Variants in TNKS observed in about 807,000 individuals in gnomAD.
The protein encoded by TNKS is tankyrase.
A neutral mutation model predicts 135.8 loss-of-function variants in TNKS; 72 were observed. The observed-to-expected ratio is 0.53, with a 90% confidence interval of 0.44 to 0.64. The LOEUF is 0.64. Among genes scored for constraint, TNKS ranks in the 30% least tolerant of loss-of-function variants. The pLI, the probability that TNKS is intolerant of heterozygous loss-of-function variation, is 0.00. For missense variants in TNKS, 1,769 were observed against 1,674.0 expected (o/e 1.06, Z -0.99); for synonymous variants, 849 against 649.3 (o/e 1.31, Z -4.68).
intron 3 of TNKS, among the ~76,000 whole-genome samples, chr8:9,675,315 G>C (rs899033761): frequency 2.6e-5 from 4 of 152,144 alleles, no homozygotes; most frequent in Non-Finnish European, 5.9e-5. Context: ...CTGGTACCTT[G>C]ATGAGAAAAC....
intron 26 of TNKS, among the ~76,000 whole-genome samples, chr8:9,776,234 ATCT>A (rs1190416615): frequency 6.6e-6 from 1 of 152,212 alleles, no homozygotes; most frequent in African/African-American, 2.4e-5. Context: ...GGGTTACATC[ATCT>A]TCTATGATTA....
intron 17 of TNKS, among the ~76,000 whole-genome samples, chr8:9,745,099 G>A (rs1201809608): frequency 1.3e-5 from 2 of 152,080 alleles, no homozygotes; most frequent in African/African-American, 4.8e-5. Context: ...AACCTCACTG[G>A]GGAGAAGCTT....
intron 3 of TNKS, chr8:9,671,121 C>CTTTT (rs967309856): frequency 6.6e-6 from 1 of 151,832 alleles, no homozygotes. Context: ...AACTTTTTCT[C>CTTTT]TTTTTTTTCT....
chr8:9,775,161 T>G (rs1563229492), intron 26 of TNKS, among the ~76,000 whole-genome samples: 1 of 152,162 alleles, frequency 6.6e-6, no homozygotes. Context: ...TGCTAGATTT[T>G]TTTATACCCA....
intron 14 of TNKS, 88 bp from the exon 15 acceptor site, chr8:9,733,191 C>A (rs771737929): frequency 2.7e-5 from 35 of 1,301,658 alleles, no homozygotes; most frequent in Non-Finnish European, 3.6e-5. Flanking sequence ...TAGTCAGTAC[C>A]ATAGAAGAAT....
intron 2 of TNKS, among the ~76,000 whole-genome samples, chr8:9,601,628 C>A (rs939357956): frequency 9.2e-5 from 14 of 151,982 alleles, no homozygotes; most frequent in African/African-American, 3.4e-4. Context: ...CCTTTGCGTT[C>A]AATGGAATAC....
intron 11 of TNKS, among the ~76,000 whole-genome samples, chr8:9,718,657 C>T (rs1450315641): frequency 6.6e-6 from 1 of 152,146 alleles, no homozygotes; most frequent in Non-Finnish European, 1.5e-5. Flanking sequence ...ACTAAGGTTG[C>T]AATCTCTAGA....
At chr8:9,654,880 G>A (rs914139074) in intron 3 of TNKS, among the ~76,000 whole-genome samples, 1 of 152,188 alleles carries the variant, frequency 6.6e-6, no homozygotes, top group Admixed American at 6.5e-5. Flanking sequence ...ATCTCACTGG[G>A]GAGTGCCGGA....
intron 20 of TNKS, among the ~76,000 whole-genome samples, chr8:9,756,662 A>G (rs549289356): frequency 6.6e-6 from 1 of 152,244 alleles, no homozygotes; most frequent in South Asian, 2.1e-4. Flanking sequence ...CCATCCAGAT[A>G]TTTCTATTTC....
At chr8:9,666,650 G>A (rs893330320) in intron 3 of TNKS, among the ~76,000 whole-genome samples, 10 of 152,074 alleles carry the variant, frequency 6.6e-5, no homozygotes, top group South Asian at 2.1e-4. Flanking sequence ...AAACCCAGGA[G>A]GCAGAGTTTG....
intron 3 of TNKS, among the ~76,000 whole-genome samples, chr8:9,652,883 A>G (rs1388862963): frequency 6.6e-6 from 1 of 152,188 alleles, no homozygotes; most frequent in African/African-American, 2.4e-5. Flanking sequence ...TGAAACTCAG[A>G]GGAAGGTTAC....
At chr8:9,772,447 T>TGTTTTACTTTTTTTAA (rs910618658) in intron 26 of TNKS, 8 of 453,642 alleles carry the variant, frequency 1.8e-5, no homozygotes, top group African/African-American at 2.0e-5. Context: ...AAATGAGGAA[T>TGTTTTACTTTTTTTAA]GTTTTACTTT....
chr8:9,645,105 A>C (rs955462116), intron 3 of TNKS, among the ~76,000 whole-genome samples: 1 of 152,158 alleles, frequency 6.6e-6, no homozygotes, highest in African/African-American at 2.4e-5. Context: ...TGGATGTCAC[A>C]AGACAGGCGT....
intron 26 of TNKS, among the ~76,000 whole-genome samples, chr8:9,774,457 A>C (rs1246717447): frequency 6.6e-6 from 1 of 152,222 alleles, no homozygotes; most frequent in East Asian, 1.9e-4. Flanking sequence ...GAGTTAGCAG[A>C]AGTGGTTGTG....
In TNKS at chr8:9,733,320, A is replaced by G. The variant is rs1230931027; in HGVS notation, c.2189A>G (p.Tyr730Cys). 2 of 1,604,746 alleles carry G rather than the reference A, an allele frequency of 1.2e-6. No homozygotes were observed. The highest frequency in any genetic ancestry group is 1.7e-5 in the Admixed American group (1 of 57,766). ...CATAATGCCTGTTCATATGGACACT[A>G]TGAGGTGGCTGAGCTTTTAGTAAGG... is the stretch of plus-strand genomic sequence containing the variant. Reference protein sequence around the residue: ...PLHNACSYGHYEVAELLVRHG... With the variant: ...PLHNACSYGHCEVAELLVRHG... Residue 730 changes from tyrosine (Y) to cysteine (C), a missense_variant, in exon 15 of 27, where the codon TAT becomes TGT. Coordinates refer to ENST00000310430, the MANE Select transcript of TNKS (RefSeq NM_003747.3).
Position 9,781,080 on chromosome 8 carries a change from G to T in TNKS, c.*4344G>T, listed in dbSNP as rs1447829662. On this transcript the variant is annotated 3_prime_UTR_variant, in exon 27 of 27. Transcript: ENST00000310430. ...GCTAATGATTTTATATACTTTGCAC[G>T]ACCAAATATGGTCGTAGTATGACGA... 1 of 152,182 alleles carries T rather than the reference G, an allele frequency of 6.6e-6. No individual in the cohort carries two copies. The highest frequency in any genetic ancestry group is 2.1e-4 in the South Asian group (1 of 4,834). The allele number at this position is 152,182 out of a possible 1,614,324, so 9.4% of individuals were successfully genotyped here.
At chr8:9,599,245 G>C (rs966061358) in intron 2 of TNKS, among the ~76,000 whole-genome samples, 1 of 152,156 alleles carries the variant, frequency 6.6e-6, no homozygotes, top group Non-Finnish European at 1.5e-5. Context: ...CAATCCAGCA[G>C]ATCTTCTGTT....
chr8:9,757,418 C>G (rs554068543), intron 20 of TNKS, among the ~76,000 whole-genome samples: 6 of 152,194 alleles, frequency 3.9e-5, no homozygotes, highest in Non-Finnish European at 8.8e-5. Flanking sequence ...CTTAAGGTCC[C>G]TCAAATACTC....
chr8:9,706,315 G>A lies in TNKS; in HGVS notation c.1269+62G>A. ...TTTTTTTTTTTCTTTACCTTGTCAT[G>A]ACTTTCCATACTTTCGGCCTCATGA... On this transcript the variant is annotated intron_variant, in intron 7 of 26. Coordinates refer to ENST00000310430, the MANE Select transcript of TNKS (RefSeq NM_003747.3). The A allele has an allele frequency of 1.6e-6, 2 of 1,269,850 alleles. 1 individual carries two copies. Among genetic ancestry groups the A allele is most frequent in the South Asian group, 3.1e-5 (2 of 64,702 alleles). 78.7% of individuals were successfully genotyped at this position (1,269,850 alleles called of 1,614,324 possible).
Sources: allele counts gnomAD v4.1 joint callset (sites outside exome capture counted in the v4.1 genomes callset), GRCh38; gene constraint gnomAD v4.1.1; transcripts MANE v1.5; gene names NCBI Gene and HGNC (gene_info 2026-07-23, HGNC 2026-07-21).